Variants in FBN1 observed in about 807,000 individuals in gnomAD.
FBN1 encodes the protein fibrillin-1.
A neutral mutation model predicts 365.1 loss-of-function variants in FBN1; 29 were observed. That is an observed-to-expected ratio of 0.08 (90% CI 0.06 to 0.11). The LOEUF (loss-of-function observed/expected upper bound fraction) is 0.11. Ranked by LOEUF, FBN1 falls within the 10% of genes least tolerant of loss-of-function variation. The pLI is 1.00. For synonymous variants in FBN1, 1,210 were observed against 1,270.5 expected, an observed-to-expected ratio of 0.95 and a Z score of 1.01; for missense variants, 2,476 against 3,703.2, an observed-to-expected ratio of 0.67 and a Z score of 8.60.
intron 6 of FBN1, among the ~76,000 whole-genome samples, chr15:48,565,432 CTG>C (rs1368121419): frequency 3.3e-5 from 5 of 152,056 alleles, no homozygotes; most frequent in Non-Finnish European, 5.9e-5. Flanking sequence ...ACATTTTCAT[CTG>C]TGTTTTTCCT....
intron 58 of FBN1, among the ~76,000 whole-genome samples, chr15:48,426,209 C>A (rs1427157494): frequency 2.6e-5 from 4 of 152,202 alleles, no homozygotes; most frequent in African/African-American, 9.7e-5. Context: ...TTAAGCTTGC[C>A]TCCTGCTGAC....
rs1297642124 is a variant in FBN1, at chr15:48,410,719, C to T, written c.*271G>A. 2 of 425,722 alleles carry T rather than the reference C, an allele frequency of 4.7e-6. No individual in the cohort carries two copies. The highest frequency in any genetic ancestry group is 4.1e-5 in the African/African-American group (2 of 49,184). The allele number at this position is 425,722 out of a possible 1,614,324, so 26.4% of individuals were successfully genotyped here. ...TGGCATGTCAGCATAAATGGCCAAC[C>T]CCCAATGGAAATACACGTCCCAGTT... On this transcript the variant is annotated 3_prime_UTR_variant, in exon 66 of 66. Coordinates refer to ENST00000316623, the MANE Select transcript of FBN1 (RefSeq NM_000138.5).
chr15:48,412,617 C>G lies in FBN1; in HGVS notation c.8178G>C (p.Arg2726=). The G allele has an allele frequency of 6.2e-7, 1 of 1,614,218 alleles. No homozygotes were observed. The highest frequency in any genetic ancestry group is 8.5e-7 in the Non-Finnish European group (1 of 1,180,040). ...CGTTTGTGCTTCTCCGTTTCCTGCC[C>G]CGTTTGGGGTAGCCATTGATCTTAC... is the stretch of plus-strand genomic sequence containing the variant. ...YECKINGYPK[R]GRKRRSTNET... is the part of the protein sequence containing the mutation. The change falls in exon 65 of 66, where the codon CGG becomes CGC. Residue 2726 remains arginine, a synonymous_variant. Coordinates refer to ENST00000316623, the MANE Select transcript of FBN1 (RefSeq NM_000138.5).
chr15:48,458,429 A>G (rs909445834), intron 43 of FBN1, among the ~76,000 whole-genome samples: 6 of 152,232 alleles, frequency 3.9e-5, no homozygotes, highest in African/African-American at 1.4e-4. Flanking sequence ...AATACACGCA[A>G]TTATGTCTTT....
intron 45 of FBN1, among the ~76,000 whole-genome samples, chr15:48,450,251 A>C (rs1023115981): frequency 1.3e-5 from 2 of 152,152 alleles, no homozygotes; most frequent in African/African-American, 4.8e-5. Flanking sequence ...CTGGACCTGG[A>C]GGTATGCAGG....
intron 29 of FBN1, 58 bp from the exon 30 acceptor site, chr15:48,485,554 A>G: frequency 2.5e-6 from 4 of 1,591,472 alleles, no homozygotes; most frequent in Non-Finnish European, 3.4e-6. Context: ...TGTCCCCTCC[A>G]ATACTCGTGT....
intron 6 of FBN1, among the ~76,000 whole-genome samples, chr15:48,540,348 G>A (rs2044048599): frequency 6.6e-6 from 1 of 152,110 alleles, no homozygotes; most frequent in African/African-American, 2.4e-5. Context: ...GTATGCATGT[G>A]TGTGTTTTAT....
chr15:48,456,580 C>G, intron 44 of FBN1, 57 bp downstream of exon 44: 1 of 1,580,662 alleles, frequency 6.3e-7, no homozygotes, highest in Admixed American at 1.7e-5. Flanking sequence ...AAGTGTGTAT[C>G]AAGTAGCTCA....
chr15:48,433,030 C>A, intron 54 of FBN1, 42 bp from the exon 55 acceptor site: 1 of 1,610,142 alleles, frequency 6.2e-7, no homozygotes, highest in Non-Finnish European at 8.5e-7. Flanking sequence ...TCATGGACAG[C>A]AACAAAAGGG....
rs756792790 is a variant in FBN1, at chr15:48,456,614, G to A, written c.5422+23C>T. ...CATCAGTTAGCTCTTTTCTGGATAT[G>A]ATAAAGTCATGATGCCACTTACCTT... On this transcript the variant is annotated intron_variant, in intron 44 of 65. Coordinates refer to ENST00000316623, the MANE Select transcript of FBN1 (RefSeq NM_000138.5). 12 of 1,612,082 alleles carry A rather than the reference G, an allele frequency of 7.4e-6. No individual in the cohort carries two copies. In the African/African-American group the frequency reaches 1.5e-4, roughly 20 times the overall value.
chr15:48,480,639 A>G (rs1051452046), intron 32 of FBN1, among the ~76,000 whole-genome samples: 1 of 152,294 alleles, frequency 6.6e-6, no homozygotes, highest in Middle Eastern at 3.4e-3. Flanking sequence ...CCAGTTTGAA[A>G]CAATAATAAA....
chr15:48,637,715 G>A (rs1471539770), intron 2 of FBN1, among the ~76,000 whole-genome samples: 1 of 152,148 alleles, frequency 6.6e-6, no homozygotes, highest in Non-Finnish European at 1.5e-5. Context: ...TATTGAACAT[G>A]TGCCGCATAC....
At chr15:48,517,726 T>A (rs2043817055) in intron 10 of FBN1, among the ~76,000 whole-genome samples, 1 of 152,218 alleles carries the variant, frequency 6.6e-6, no homozygotes, top group African/African-American at 2.4e-5. Flanking sequence ...TATGTGACTT[T>A]TAAATTTCAT....
chr15:48,532,123 A>C (rs574169837), intron 8 of FBN1, among the ~76,000 whole-genome samples: 12 of 152,346 alleles, frequency 7.9e-5, no homozygotes, highest in African/African-American at 2.9e-4. Flanking sequence ...GCATTAAATT[A>C]GAATCTTCTG....
At chr15:48,491,476 G>A (rs529572360) in intron 24 of FBN1, among the ~76,000 whole-genome samples, 18 of 151,766 alleles carry the variant, frequency 1.2e-4, no homozygotes, top group African/African-American at 4.3e-4. Context: ...TCAGCCTCCC[G>A]AGTAGCTGGG....
rs562749473 is a variant in FBN1, at chr15:48,410,883, T to G, written c.*107A>C. 1 of 1,119,948 alleles carries G rather than the reference T, an allele frequency of 8.9e-7. No homozygotes were observed. Among genetic ancestry groups the G allele is most frequent in the Non-Finnish European group, 1.3e-6 (1 of 775,256 alleles). 69.4% of individuals were successfully genotyped at this position (1,119,948 alleles called of 1,614,324 possible). A position where few individuals can be genotyped will look rare whatever the true frequency, so the allele number is the denominator to read the frequency against. On this transcript the variant is annotated 3_prime_UTR_variant, in exon 66 of 66. Transcript: ENST00000316623. ...ATAGTGCTTATTTATACAAATTTACTTGGTGAAAGATTGTACCTATGATAT... is the reference window on the plus strand; with the variant it reads ...ATAGTGCTTATTTATACAAATTTACGTGGTGAAAGATTGTACCTATGATAT...
chr15:48,494,078 C>A, intron 23 of FBN1, 126 bp downstream of exon 23: 1 of 761,702 alleles, frequency 1.3e-6, no homozygotes, highest in East Asian at 2.6e-5. Context: ...TTGTAGTTCT[C>A]ATTATTTTTT....
chr15:48,618,110 T>C (rs2140745469), intron 2 of FBN1, among the ~76,000 whole-genome samples: 1 of 152,198 alleles, frequency 6.6e-6, no homozygotes, highest in African/African-American at 2.4e-5. Flanking sequence ...TTTAGCCCCT[T>C]AAGTATAAAT....
intron 11 of FBN1, 98 bp from the exon 12 acceptor site, chr15:48,515,625 G>C: frequency 6.6e-7 from 1 of 1,513,504 alleles, no homozygotes; most frequent in Non-Finnish European, 9.1e-7. Context: ...AATCAGAAAG[G>C]AAAGAGGATA....
Sources: gnomAD v4.1 joint callset for allele counts (sites outside exome capture counted in the v4.1 genomes callset) on GRCh38, gnomAD v4.1.1 for gene constraint, MANE v1.5 for transcripts, NCBI Gene and HGNC (gene_info 2026-07-23, HGNC 2026-07-21) for gene names.